The following UBE3D variants were observed in gnomAD, a reference collection of about 807,000 sequenced individuals.
UBE3D encodes ubiquitin protein ligase E3D, also known as E3 ubiquitin-protein ligase E3D.
Under a neutral mutation model 49.6 loss-of-function variants are expected in UBE3D, and 48 were observed. The ratio of observed to expected loss-of-function variants is 0.97; its 90% CI spans 0.77 to 1.23. The LOEUF is 1.23. UBE3D is among the 50% of genes most tolerant of loss of function. The pLI, the probability that UBE3D is intolerant of heterozygous loss-of-function variation, is 0.00. For synonymous variants in UBE3D, 189 were observed against 174.2 expected (o/e 1.08, Z -0.67); for missense variants, 452 against 468.4 (o/e 0.96, Z 0.32).
At chr6:82,923,804 T>A (rs1039680441) in intron 9 of UBE3D, among the ~76,000 whole-genome samples, 2 of 152,196 alleles carry the variant, frequency 1.3e-5, no homozygotes, top group Non-Finnish European at 2.9e-5. Context: ...TGAATTTATA[T>A]CATGACCTTC....
At chr6:83,014,289 C>T (rs1333094930) in intron 8 of UBE3D, among the ~76,000 whole-genome samples, 2 of 152,230 alleles carry the variant, frequency 1.3e-5, no homozygotes, top group East Asian at 1.9e-4. Flanking sequence ...GCACTAATTT[C>T]AGCAGTCCCT....
chr6:83,006,367 C>G (rs1268370354), intron 8 of UBE3D, among the ~76,000 whole-genome samples: 2 of 152,036 alleles, frequency 1.3e-5, no homozygotes, highest in Admixed American at 6.6e-5. Flanking sequence ...GGAGATAGGA[C>G]CCCAATGTCC....
chr6:82,895,904 C>T (rs1005908985), intron 9 of UBE3D, among the ~76,000 whole-genome samples: 1 of 152,126 alleles, frequency 6.6e-6, no homozygotes, highest in Non-Finnish European at 1.5e-5. Context: ...CGAATATGAA[C>T]TCAAGATGAG....
chr6:83,050,798 G>A (rs1430467071), intron 3 of UBE3D, among the ~76,000 whole-genome samples: 2 of 147,028 alleles, frequency 1.4e-5, no homozygotes, highest in Non-Finnish European at 3.0e-5. Context: ...AGAGTTACAG[G>A]TAAGCAAAGC....
chr6:82,882,365 C>G, the UBE3D span, among the ~76,000 whole-genome samples: 1 of 152,136 alleles, frequency 6.6e-6, no homozygotes, highest in Non-Finnish European at 1.5e-5. Flanking sequence ...GTTTGGGAAA[C>G]CCCAAACAAA....
chr6:83,060,618 T>C (rs1784112761), intron 1 of UBE3D, among the ~76,000 whole-genome samples: 1 of 152,318 alleles, frequency 6.6e-6, no homozygotes, highest in African/African-American at 2.4e-5. Context: ...GGCCATTTTC[T>C]GCTTTAAAAA....
intron 8 of UBE3D, among the ~76,000 whole-genome samples, chr6:83,014,274 T>C (rs1015725326): frequency 3.3e-5 from 5 of 152,186 alleles, no homozygotes; most frequent in Non-Finnish European, 7.4e-5. Flanking sequence ...AAGTCCTTGA[T>C]GGTGGCACTA....
chr6:83,063,543 A>T (rs1389411896), intron 1 of UBE3D, among the ~76,000 whole-genome samples: 1 of 152,150 alleles, frequency 6.6e-6, no homozygotes, highest in East Asian at 1.9e-4. Context: ...ACTCTCAATT[A>T]AACAAGACAA....
At chr6:82,950,366 A>G (rs542702608) in intron 9 of UBE3D, among the ~76,000 whole-genome samples, 1 of 152,348 alleles carries the variant, frequency 6.6e-6, no homozygotes, top group South Asian at 2.1e-4. Context: ...AGGCTAACAA[A>G]TGCTGGCAAG....
At chr6:82,955,085 T>C (rs1776065812) in intron 9 of UBE3D, among the ~76,000 whole-genome samples, 1 of 152,114 alleles carries the variant, frequency 6.6e-6, no homozygotes, top group South Asian at 2.1e-4. Context: ...CTCCTCTAAT[T>C]AAAGGTGCTA....
rs369298776 is a variant in UBE3D, at chr6:83,007,667, G to A, written c.1010+11306C>T. 3.3e-5 allele frequency among the ~76,000 whole-genome samples: 5 copies of A among 152,218 alleles called. 1 individual carries two copies. The highest frequency in any genetic ancestry group is 2.1e-4 in the South Asian group (1 of 4,818). On this transcript the variant is annotated intron_variant, in intron 8 of 9. Coordinates refer to ENST00000369747, the MANE Select transcript of UBE3D (RefSeq NM_198920.3). Reference sequence around the variant, plus strand: ...TATTTAATAGAAATTTTGGCTCACCGGGTACGGTGGCTCATGCCTGTAATC... The same window carrying A: ...TATTTAATAGAAATTTTGGCTCACCAGGTACGGTGGCTCATGCCTGTAATC...
chr6:82,921,862 G>A (rs760326753), intron 9 of UBE3D, among the ~76,000 whole-genome samples: 8 of 152,074 alleles, frequency 5.3e-5, no homozygotes, highest in African/African-American at 1.9e-4. Flanking sequence ...CAACCAGACC[G>A]GCAAAACTGT....
chr6:82,887,188 G>A, the UBE3D span, among the ~76,000 whole-genome samples: 13 of 151,410 alleles, frequency 8.6e-5, no homozygotes, highest in African/African-American at 2.9e-4. Context: ...GCTGGGTGTG[G>A]TGGCAGGTGC....
At chr6:83,001,123 C>T (rs1284555077) in intron 8 of UBE3D, among the ~76,000 whole-genome samples, 8 of 152,160 alleles carry the variant, frequency 5.3e-5, no homozygotes, top group African/African-American at 1.7e-4. Context: ...GAATTACAGG[C>T]GTGAGCCACT....
At chr6:83,009,799 G>C (rs2127757278) in intron 8 of UBE3D, among the ~76,000 whole-genome samples, 1 of 148,408 alleles carries the variant, frequency 6.7e-6, no homozygotes, top group African/African-American at 2.5e-5. Flanking sequence ...TATAGTACAA[G>C]GTTAAAAGAA....
intron 3 of UBE3D, among the ~76,000 whole-genome samples, chr6:83,047,829 T>G (rs1236745216): frequency 6.6e-6 from 1 of 152,024 alleles, no homozygotes; most frequent in Non-Finnish European, 1.5e-5. Flanking sequence ...ATGCCTGTAA[T>G]CCCAGCACTT....
At chr6:82,935,776 A>G (rs891510795) in intron 9 of UBE3D, among the ~76,000 whole-genome samples, 4 of 152,192 alleles carry the variant, frequency 2.6e-5, no homozygotes, top group African/African-American at 9.6e-5. Flanking sequence ...AGATCTTCAA[A>G]GCGAAAAGGG....
intron 1 of UBE3D, among the ~76,000 whole-genome samples, chr6:83,061,358 T>G (rs1019730029): frequency 1.3e-5 from 2 of 152,332 alleles, no homozygotes; most frequent in Admixed American, 1.3e-4. Context: ...TGTAGACAAC[T>G]GGTAAAACAT....
Position 83,057,885 on chromosome 6 carries a change from T to A in UBE3D, c.215A>T (p.Gln72Leu). 1 of 1,614,158 alleles carries A rather than the reference T, an allele frequency of 6.2e-7. No individual in the cohort carries two copies. The highest frequency in any genetic ancestry group is 1.1e-5 in the South Asian group (1 of 91,090). ...GTGCAGTCCATCTCCAACAACAAAC[T>A]GTAGCCCACGGCAAGAGGAAGGTAC... ...RLVPSSCRGL[Q>L]FVVGDGLHLR... Residue 72 changes from glutamine to leucine, a missense_variant, in exon 2 of 10, where the codon CAG (glutamine) becomes CTG (leucine). Transcript: ENST00000369747.
Sources: allele counts gnomAD v4.1 joint callset (sites outside exome capture counted in the v4.1 genomes callset), GRCh38; gene constraint gnomAD v4.1.1; transcripts MANE v1.5; gene names NCBI Gene and HGNC (gene_info 2026-07-23, HGNC 2026-07-21).